The following TSHZ2 variants were observed in gnomAD, a reference collection of about 807,000 sequenced individuals.
TSHZ2 encodes the protein teashirt zinc finger homeobox 2.
TSHZ2 carries 21 observed loss-of-function variants against 74.4 expected under a neutral mutation model. The ratio of observed to expected loss-of-function variants is 0.28; its 90% CI spans 0.20 to 0.41. The LOEUF is 0.41. Among genes scored for constraint, TSHZ2 ranks in the 10% least tolerant of loss-of-function variants. TSHZ2 has a pLI of 1.00. For synonymous variants in TSHZ2, 540 were observed against 515.3 expected (o/e 1.05, Z -0.65); for missense variants, 1,244 against 1,293.5 (o/e 0.96, Z 0.59).
rs1829147900 is a variant in TSHZ2, at chr20:53,255,830, C to G, written c.2372C>G (p.Ala791Gly). ...TGTATGTCCCCACCTCAGAAGCACG[C>G]TCTGTCTGACATCGCCGACATGGTC... ...QSCMSPPQKH[A>G]LSDIADMVKV... The change falls in exon 2 of 3, where the codon GCT becomes GGT. Residue 791 changes from alanine (A) to glycine (G), a missense_variant. This residue lies in a region of TSHZ2 where 562 missense variants were observed against 544.0 expected (regional missense o/e 1.03). Transcript: ENST00000371497. This position sits in a 1 kb window ranked among gnomAD's most constrained non-coding sequence, Gnocchi z 4.1. The G allele has an allele frequency of 1.9e-6, 3 of 1,612,704 alleles. No individual in the cohort carries two copies. The highest frequency in any genetic ancestry group is 2.5e-6 in the Non-Finnish European group (3 of 1,179,332).
intron 2 of TSHZ2, among the ~76,000 whole-genome samples, chr20:53,357,586 T>C (rs1427287633): frequency 6.6e-6 from 1 of 152,202 alleles, no homozygotes; most frequent in African/African-American, 2.4e-5. Flanking sequence ...AAATGTGAGC[T>C]CTTGATACAA....
intron 1 of TSHZ2, among the ~76,000 whole-genome samples, chr20:53,226,418 G>A (rs1340121236): frequency 6.6e-6 from 1 of 150,602 alleles, no homozygotes; most frequent in African/African-American, 2.5e-5. Flanking sequence ...GTCATGAAGT[G>A]TGTGGGTCGG....
At position 53,254,770 on chromosome 20, in the gene TSHZ2, A is replaced by C. The variant is rs897475900; in HGVS notation, c.1312A>C (p.Ser438Arg). The part of the protein sequence containing the change: ...KMQSLSEAPN[S>R]DSLAPKPSSN... ...GCAGTCGTTGTCTGAGGCCCCAAAC[A>C]GTGATTCTCTGGCTCCCAAGCCATC... Residue 438 changes from serine (S) to arginine (R), a missense_variant, in exon 2 of 3, where the codon AGT (serine) becomes CGT (arginine). Physicochemically the swap from Ser to Arg is moderately radical, Grantham distance 110. Around this residue, in one of 6 missense-constraint regions of TSHZ2, gnomAD observed 562 missense variants for 544.0 expected, o/e 1.03. Transcript: ENST00000371497. 4.3e-6 allele frequency: 7 copies of C among 1,613,408 alleles called. No homozygotes were observed. Among genetic ancestry groups the C allele is most frequent in the Non-Finnish European group, 5.9e-6 (7 of 1,179,472 alleles).
chr20:53,326,905 C>T (rs920855297), intron 2 of TSHZ2, among the ~76,000 whole-genome samples: 4 of 152,102 alleles, frequency 2.6e-5, no homozygotes, highest in East Asian at 1.9e-4. Context: ...TCGGATTCTC[C>T]GAGATGAAAA....
intron 2 of TSHZ2, among the ~76,000 whole-genome samples, chr20:53,448,981 C>A (rs1302838003): frequency 2.0e-5 from 3 of 151,690 alleles, no homozygotes; most frequent in Non-Finnish European, 2.9e-5. Flanking sequence ...CTCCCACACA[C>A]AAAAAAAAGA....
chr20:53,465,884 T>C lies in TSHZ2; in HGVS notation c.*9-21260T>C, dbSNP rs145686509. On this transcript the variant is annotated intron_variant, in intron 2 of 2. Coordinates refer to ENST00000371497, the MANE Select transcript of TSHZ2 (RefSeq NM_173485.6). Reference sequence around the variant, plus strand: ...TTGGCTGAATTATTTAAGTGTGTGTTCCAATCTACCAACCCTCTTTTCCAG... The same window carrying C: ...TTGGCTGAATTATTTAAGTGTGTGTCCCAATCTACCAACCCTCTTTTCCAG... 6.0e-3 allele frequency among the ~76,000 whole-genome samples: 909 copies of C among 151,364 alleles called. 41 individuals carry two copies. Among genetic ancestry groups the C allele is most frequent in the Admixed American group, 0.054 (813 of 15,152 alleles).
chr20:53,264,831 G>A (rs1490192571), intron 2 of TSHZ2, among the ~76,000 whole-genome samples: 1 of 152,154 alleles, frequency 6.6e-6, no homozygotes, highest in African/African-American at 2.4e-5. Context: ...CGGGGAGATG[G>A]GCAGACAAAA....
At chr20:53,311,005 T>C (rs543718255) in intron 2 of TSHZ2, among the ~76,000 whole-genome samples, 1 of 152,334 alleles carries the variant, frequency 6.6e-6, no homozygotes, top group East Asian at 1.9e-4. Context: ...AAAATGAGTA[T>C]ACCATTACAG....
At chr20:53,405,253 A>AAAAAAAAAAAAC (rs1168258119) in intron 2 of TSHZ2, among the ~76,000 whole-genome samples, 2 of 151,742 alleles carry the variant, frequency 1.3e-5, no homozygotes, top group African/African-American at 4.8e-5. Flanking sequence ...TGTCTCAAAA[A>AAAAAAAAAAAAC]AAAAAACAAA....
chr20:53,341,518 C>T (rs529396162), intron 2 of TSHZ2, among the ~76,000 whole-genome samples: 5 of 151,454 alleles, frequency 3.3e-5, no homozygotes, highest in African/African-American at 7.3e-5. Context: ...GAGATGGGGT[C>T]CTTACTATGT....
chr20:53,101,016 C>A (rs770439652), intron 1 of TSHZ2, among the ~76,000 whole-genome samples: 1 of 152,118 alleles, frequency 6.6e-6, no homozygotes, highest in Non-Finnish European at 1.5e-5. Context: ...AAAATGAATT[C>A]TCTGTAGTCA....
chr20:53,305,512 T>A (rs563616619), intron 2 of TSHZ2, among the ~76,000 whole-genome samples: 4 of 152,156 alleles, frequency 2.6e-5, no homozygotes, highest in African/African-American at 9.7e-5. Flanking sequence ...ACTGGACTTA[T>A]AAAAAACGCT....
At chr20:53,268,495 A>T (rs1261996609) in intron 2 of TSHZ2, among the ~76,000 whole-genome samples, 1 of 152,180 alleles carries the variant, frequency 6.6e-6, no homozygotes, top group African/African-American at 2.4e-5. Flanking sequence ...ACAGGATTTG[A>T]GTACCACTTC....
intron 1 of TSHZ2, among the ~76,000 whole-genome samples, chr20:53,164,803 A>G (rs1285785671): frequency 6.6e-6 from 1 of 152,210 alleles, no homozygotes; most frequent in African/African-American, 2.4e-5. Context: ...TTGGCTTTAA[A>G]TAGGATGTCC....
At chr20:53,134,847 C>A (rs536806964) in intron 1 of TSHZ2, among the ~76,000 whole-genome samples, 1 of 152,184 alleles carries the variant, frequency 6.6e-6, no homozygotes, top group South Asian at 2.1e-4. Context: ...GCTATCCCAC[C>A]CCATCCGAAA....
At chr20:53,113,926 C>CA (rs969597540) in intron 1 of TSHZ2, among the ~76,000 whole-genome samples, 24 of 149,056 alleles carry the variant, frequency 1.6e-4, no homozygotes, top group South Asian at 1.1e-3. Context: ...TGCATGGTAC[C>CA]AAAAAAAAAG....
chr20:53,114,731 T>C (rs73144209), intron 1 of TSHZ2, among the ~76,000 whole-genome samples: 2,840 of 152,276 alleles, frequency 0.019, 34 homozygotes, highest in Non-Finnish European at 0.02. Flanking sequence ...TAATTTCCAC[T>C]GAAATTCTTT....
At chr20:53,224,550 T>C (rs1371109626) in intron 1 of TSHZ2, among the ~76,000 whole-genome samples, 1 of 152,148 alleles carries the variant, frequency 6.6e-6, no homozygotes, top group Non-Finnish European at 1.5e-5. Flanking sequence ...CAGTTCCTAC[T>C]AAGAACTTAA....
intron 2 of TSHZ2, among the ~76,000 whole-genome samples, chr20:53,396,861 AAAC>A (rs1385211376): frequency 8.6e-5 from 13 of 151,800 alleles, no homozygotes; most frequent in Non-Finnish European, 1.3e-4. Context: ...AAAAAAAAAA[AAAC>A]AGAGAGAGAA....
Sources: gnomAD v4.1 joint callset for allele counts (sites outside exome capture counted in the v4.1 genomes callset) on GRCh38, gnomAD v4.1.1 for gene constraint, gnomAD v4.1.1 regional missense constraint, Gnocchi (gnomAD v3.1) non-coding constraint, MANE v1.5 for transcripts, NCBI Gene and HGNC (gene_info 2026-07-23, HGNC 2026-07-21) for gene names.